DPF3: variants seen among roughly 807,000 people sequenced by gnomAD.
The protein encoded by DPF3 is zinc finger protein DPF3.
A neutral mutation model predicts 56.8 loss-of-function variants in DPF3; 18 were observed. That is an observed-to-expected ratio of 0.32 (90% CI 0.22 to 0.47). The LOEUF (loss-of-function observed/expected upper bound fraction) is 0.47. DPF3 is among the 20% of genes least tolerant of loss of function. The pLI is 1.00. For synonymous variants in DPF3, 188 were observed against 180.2 expected, an observed-to-expected ratio of 1.04 and a Z score of -0.35; for missense variants, 403 against 488.8, an observed-to-expected ratio of 0.82 and a Z score of 1.65.
At chr14:72,673,177 C>T (rs1886765555) in intron 8 of DPF3, among the ~76,000 whole-genome samples, 1 of 152,150 alleles carries the variant, frequency 6.6e-6, no homozygotes. Context: ...TATAAAAGGG[C>T]TAAAGCTAAG....
At chr14:72,759,508 AAGAGAG>A (rs34502740) in intron 2 of DPF3, among the ~76,000 whole-genome samples, 8 of 147,614 alleles carry the variant, frequency 5.4e-5, no homozygotes, top group African/African-American at 7.4e-5. Context: ...GTCTCCACAA[AAGAGAG>A]AGAGAGAGAG....
At chr14:72,744,877 C>T (rs911652080) in intron 3 of DPF3, among the ~76,000 whole-genome samples, 6 of 152,160 alleles carry the variant, frequency 3.9e-5, no homozygotes, top group African/African-American at 9.7e-5. Flanking sequence ...CAATTCTGCT[C>T]CAGGCCAGTG....
chr14:72,640,082 G>GAAAAAAAAAAAAAAAAAAAAA (rs1885509419), intron 8 of DPF3, among the ~76,000 whole-genome samples: 2 of 61,080 alleles, frequency 3.3e-5, no homozygotes, highest in Non-Finnish European at 7.4e-5. Context: ...AAAAAAAAAT[G>GAAAAAAAAAAAAAAAAAAAAA]GAAACAGCAT....
intron 5 of DPF3, among the ~76,000 whole-genome samples, chr14:72,717,632 G>A (rs957277848): frequency 1.5e-4 from 23 of 152,328 alleles, no homozygotes; most frequent in African/African-American, 5.3e-4. Context: ...AGCACATAGC[G>A]TGCAAAGCTC....
chr14:72,787,714 G>A (rs1892266601), intron 1 of DPF3, among the ~76,000 whole-genome samples: 1 of 152,168 alleles, frequency 6.6e-6, no homozygotes, highest in Non-Finnish European at 1.5e-5. Flanking sequence ...TAAGCTGTTT[G>A]TGGTGGGAGT....
At chr14:72,860,144 G>C (rs1410241529) in intron 1 of DPF3, among the ~76,000 whole-genome samples, 1 of 151,724 alleles carries the variant, frequency 6.6e-6, no homozygotes, top group East Asian at 1.9e-4. Flanking sequence ...TTTTTCATTT[G>C]CTTGAATTTC....
intron 1 of DPF3, among the ~76,000 whole-genome samples, chr14:72,861,321 C>T (rs897375487): frequency 1.3e-5 from 2 of 152,282 alleles, no homozygotes. Context: ...GGATAACTTG[C>T]ATTCCTGGAA....
chr14:72,758,354 A>G (rs1165381488), intron 2 of DPF3, among the ~76,000 whole-genome samples: 1 of 152,220 alleles, frequency 6.6e-6, no homozygotes, highest in Non-Finnish European at 1.5e-5. Context: ...GCCTTAAGAG[A>G]GTCTCCAGAC....
At chr14:72,682,279 C>T (rs1401013884) in intron 7 of DPF3, among the ~76,000 whole-genome samples, 1 of 149,910 alleles carries the variant, frequency 6.7e-6, no homozygotes, top group Admixed American at 6.6e-5. Flanking sequence ...AGATGAATAT[C>T]TCATTACGTG....
In DPF3 at chr14:72,618,068, G is replaced by A. The variant is rs76902941; in HGVS notation, c.*1229C>T. ...CTTTCTTCTAGACACATTTTTTTTTGAAAACAAGAGTCCTGCATGTTTGGG... is the reference window on the plus strand; with the variant it reads ...CTTTCTTCTAGACACATTTTTTTTTAAAAACAAGAGTCCTGCATGTTTGGG... On this transcript the variant is annotated 3_prime_UTR_variant, in exon 11 of 11. Transcript: ENST00000556509. Among the ~76,000 whole-genome samples, 7 of 144,294 alleles carry A rather than the reference G, an allele frequency of 4.9e-5. No individual in the cohort carries two copies. The highest frequency in any genetic ancestry group is 7.5e-5 in the African/African-American group (3 of 39,808). 94.7% of individuals were successfully genotyped at this position (144,294 alleles called of 152,430 possible).
chr14:72,869,043 A>G (rs1885789474), intron 1 of DPF3, among the ~76,000 whole-genome samples: 1 of 151,912 alleles, frequency 6.6e-6, no homozygotes, highest in South Asian at 2.1e-4. Flanking sequence ...GCCTCTCCTG[A>G]CCTCTCTTAC....
At position 72,756,818 on chromosome 14, in the gene DPF3, AAGAC is replaced by A. The variant is rs1437191729; in HGVS notation, c.194-3451_194-3448del. On this transcript the variant is annotated intron_variant, in intron 2 of 10. Transcript: ENST00000556509. ...AGAGCAAGATTCTGTGAAAGAAAGA[AAGAC>A]AGAAAGAAAGAAAGAAAGAAAGAAA... 1.3e-3 allele frequency among the ~76,000 whole-genome samples: 148 copies of A among 114,124 alleles called. 1 individual carries two copies. The highest frequency in any genetic ancestry group is 1.7e-3 in the Non-Finnish European group (93 of 55,836). 74.9% of individuals were successfully genotyped at this position (114,124 alleles called of 152,430 possible).
chr14:72,853,527 T>G (rs1885066812), intron 1 of DPF3, among the ~76,000 whole-genome samples: 1 of 144,260 alleles, frequency 6.9e-6, no homozygotes, highest in South Asian at 2.2e-4. Context: ...CAGGCTGCAG[T>G]GCAGTGGCAC....
At chr14:72,657,516 T>C (rs1599332266) in intron 8 of DPF3, among the ~76,000 whole-genome samples, 1 of 152,186 alleles carries the variant, frequency 6.6e-6, no homozygotes, top group South Asian at 2.1e-4. Flanking sequence ...ATTTGTTGCA[T>C]TTGGCCATGA....
chr14:72,888,752 G>A (rs1175736228), intron 1 of DPF3, among the ~76,000 whole-genome samples: 2 of 152,180 alleles, frequency 1.3e-5, no homozygotes, highest in Non-Finnish European at 2.9e-5. Context: ...CAGTGGTTGT[G>A]GGATTTTTTT....
intron 7 of DPF3, 24 bp from the exon 8 acceptor site, chr14:72,674,392 C>G: frequency 6.2e-7 from 1 of 1,606,892 alleles, no homozygotes; most frequent in Non-Finnish European, 8.5e-7. Flanking sequence ...TAAAACATTC[C>G]AATTTCAGGC....
intron 8 of DPF3, among the ~76,000 whole-genome samples, chr14:72,663,035 A>G (rs865812250): frequency 1.3e-5 from 2 of 151,980 alleles, no homozygotes; most frequent in African/African-American, 4.8e-5. Flanking sequence ...TAGTGTGTCC[A>G]GCGCCTTGAA....
chr14:72,747,525 C>T (rs1890372844), intron 3 of DPF3, among the ~76,000 whole-genome samples: 1 of 151,716 alleles, frequency 6.6e-6, no homozygotes, highest in Non-Finnish European at 1.5e-5. Context: ...GATGGCTGAT[C>T]CCTATAATCC....
chr14:72,643,895 C>A (rs11623943), intron 8 of DPF3, among the ~76,000 whole-genome samples: 4 of 152,198 alleles, frequency 2.6e-5, no homozygotes, highest in African/African-American at 7.2e-5. Flanking sequence ...CAAGACTATA[C>A]TACAATCGAG....
Sources: gnomAD v4.1 joint callset for allele counts (sites outside exome capture counted in the v4.1 genomes callset) on GRCh38, gnomAD v4.1.1 for gene constraint, MANE v1.5 for transcripts, NCBI Gene and HGNC (gene_info 2026-07-23, HGNC 2026-07-21) for gene names.